Variants in NAV3 observed in about 807,000 individuals in gnomAD.
NAV3 encodes the protein neuron navigator 3.
Under a neutral mutation model 244.7 loss-of-function variants are expected in NAV3, and 87 were observed. The ratio of observed to expected loss-of-function variants is 0.36; its 90% CI spans 0.30 to 0.42. NAV3 has a LOEUF of 0.42. Ranked by LOEUF, NAV3 falls within the 20% of genes least tolerant of loss-of-function variation. The probability of loss-of-function intolerance (pLI) is 1.00; values close to 1 mark genes in which losing one functional copy is unlikely to be tolerated. For missense variants in NAV3, 2,663 were observed against 2,893.3 expected, an observed-to-expected ratio of 0.92 and a Z score of 1.83; for synonymous variants, 1,126 against 1,042.2, an observed-to-expected ratio of 1.08 and a Z score of -1.55.
chr12:78,124,880 A>G (rs1386083181), intron 16 of NAV3, among the ~76,000 whole-genome samples: 1 of 152,152 alleles, frequency 6.6e-6, no homozygotes, highest in Non-Finnish European at 1.5e-5. Flanking sequence ...AATAAAATGC[A>G]TTAATGAATA....
intron 1 of NAV3, among the ~76,000 whole-genome samples, chr12:77,919,253 T>C (rs1003086744): frequency 2.0e-5 from 3 of 151,990 alleles, no homozygotes; most frequent in African/African-American, 7.2e-5. Context: ...CAAAGTGTGG[T>C]CAAGTATTTC....
chr12:77,837,154 G>A (rs1874788233), intron 1 of NAV3, among the ~76,000 whole-genome samples: 2 of 151,622 alleles, frequency 1.3e-5, no homozygotes, highest in Non-Finnish European at 2.9e-5. Context: ...CCGAATTTTT[G>A]AAATTTAATG....
intron 2 of NAV3, among the ~76,000 whole-genome samples, chr12:77,791,971 T>C (rs575908284): frequency 1.3e-5 from 2 of 152,292 alleles, no homozygotes; most frequent in South Asian, 4.1e-4. Context: ...ATGGCTTTGG[T>C]ATTTGGGGGA....
At chr12:77,752,472 G>T (rs1193707009) in intron 2 of NAV3, among the ~76,000 whole-genome samples, 1 of 152,114 alleles carries the variant, frequency 6.6e-6, no homozygotes, top group African/African-American at 2.4e-5. Flanking sequence ...GATAAAAACA[G>T]ATGAAGACAC....
At chr12:77,723,527 T>G (rs951152325) in intron 2 of NAV3, among the ~76,000 whole-genome samples, 5 of 151,914 alleles carry the variant, frequency 3.3e-5, no homozygotes, top group African/African-American at 9.7e-5. Context: ...AAATAGGATC[T>G]CTGCCCAGAT....
At chr12:77,667,550 C>T (rs1873771418) in intron 2 of NAV3, among the ~76,000 whole-genome samples, 1 of 152,044 alleles carries the variant, frequency 6.6e-6, no homozygotes, top group Admixed American at 6.6e-5. Flanking sequence ...GAACATAAGT[C>T]CATTGGCTTG....
chr12:77,834,971 A>T (rs7972232), intron 1 of NAV3, among the ~76,000 whole-genome samples: 131,599 of 152,194 alleles, frequency 0.86, 57,168 homozygotes, highest in Non-Finnish European at 0.91. Flanking sequence ...GCAAAAGCAG[A>T]AAAGTCAACA....
intron 1 of NAV3, among the ~76,000 whole-genome samples, chr12:77,850,205 A>C (rs1877298877): frequency 6.6e-6 from 1 of 152,210 alleles, no homozygotes; most frequent in African/African-American, 2.4e-5. Context: ...AACACTTACA[A>C]GTGTTTTTGG....
intron 1 of NAV3, among the ~76,000 whole-genome samples, chr12:77,833,073 T>C (rs1296715438): frequency 1.3e-5 from 2 of 152,254 alleles, no homozygotes; most frequent in Admixed American, 1.3e-4. Flanking sequence ...TCCAACTTTA[T>C]TCATAAAGTC....
At chr12:77,594,096 T>TAG (rs1870053141) in intron 2 of NAV3, among the ~76,000 whole-genome samples, 1 of 152,190 alleles carries the variant, frequency 6.6e-6, no homozygotes, top group Non-Finnish European at 1.5e-5. Context: ...TCATGCTTCT[T>TAG]GTAACAACAA....
At chr12:77,931,915 TG>T (rs1888844220) in intron 1 of NAV3, among the ~76,000 whole-genome samples, 1 of 3,580 alleles carries the variant, frequency 2.8e-4, no homozygotes, top group Non-Finnish European at 4.3e-4. Context: ...TGTGTGTTTG[TG>T]TGTGTGTGTG....
At chr12:77,644,409 G>A (rs1429359245) in intron 2 of NAV3, among the ~76,000 whole-genome samples, 2 of 151,874 alleles carry the variant, frequency 1.3e-5, no homozygotes, top group African/African-American at 4.8e-5. Context: ...CATTATTCTT[G>A]GTAAAAATCA....
intron 1 of NAV3, among the ~76,000 whole-genome samples, chr12:77,838,880 G>A (rs1304416846): frequency 6.6e-6 from 1 of 152,156 alleles, no homozygotes; most frequent in African/African-American, 2.4e-5. Flanking sequence ...AAAATGAAAT[G>A]AAATGAGGAT....
intron 12 of NAV3, among the ~76,000 whole-genome samples, chr12:78,060,408 A>G (rs1188346142): frequency 6.6e-6 from 1 of 151,068 alleles, no homozygotes; most frequent in African/African-American, 2.4e-5. Context: ...CTCAGCTCCC[A>G]CCCTGTCTGT....
Position 78,059,023 on chromosome 12 carries a change from A to G in NAV3, c.2544A>G (p.Leu848=). Residue 848 remains leucine, a synonymous_variant, in exon 12 of 40, where the codon CTA becomes CTG. Coordinates refer to ENST00000397909, the MANE Select transcript of NAV3 (RefSeq NM_001024383.2). ...SGYMTDGGLN[L]YTRSLNRIPD... Reference sequence around the variant, plus strand: ...ACATGACAGATGGAGGACTTAACCTATATACTAGAAGTCTGAACCGAATAC... The same window carrying G: ...ACATGACAGATGGAGGACTTAACCTGTATACTAGAAGTCTGAACCGAATAC... The G allele has an allele frequency of 1.9e-6, 3 of 1,609,004 alleles. No homozygotes were observed. The highest frequency in any genetic ancestry group is 1.7e-4 in the Middle Eastern group (1 of 6,044).
intron 1 of NAV3, among the ~76,000 whole-genome samples, chr12:77,892,392 G>A (rs541743484): frequency 4.0e-5 from 6 of 151,894 alleles, no homozygotes; most frequent in Non-Finnish European, 8.8e-5. Flanking sequence ...CATAGAGGGG[G>A]CAAGCCCTAA....
chr12:77,969,861 C>CTTTG (rs1892853997), intron 5 of NAV3, among the ~76,000 whole-genome samples: 3 of 152,246 alleles, frequency 2.0e-5, no homozygotes, highest in African/African-American at 7.2e-5. Context: ...AAAGAACTTT[C>CTTTG]TTTCAACTAG....
chr12:77,649,835 T>C (rs1209575258), intron 2 of NAV3, among the ~76,000 whole-genome samples: 1 of 152,142 alleles, frequency 6.6e-6, no homozygotes, highest in African/African-American at 2.4e-5. Flanking sequence ...ATCTCTACTT[T>C]TGTTTATACT....
chr12:77,708,321 T>C (rs1057083836), intron 2 of NAV3, among the ~76,000 whole-genome samples: 4 of 152,222 alleles, frequency 2.6e-5, no homozygotes, highest in Non-Finnish European at 5.9e-5. Flanking sequence ...GGGAATCCTT[T>C]CCCCATTTCT....
Sources: allele counts gnomAD v4.1 joint callset (sites outside exome capture counted in the v4.1 genomes callset), GRCh38; gene constraint gnomAD v4.1.1; transcripts MANE v1.5; gene names NCBI Gene and HGNC (gene_info 2026-07-23, HGNC 2026-07-21).